Variants in TDRD3 observed in about 807,000 individuals in gnomAD.
TDRD3 encodes tudor domain-containing protein 3.
A neutral mutation model predicts 86.7 loss-of-function variants in TDRD3; 45 were observed. The observed-to-expected ratio is 0.52, with a 90% CI of 0.41 to 0.67. TDRD3 has a LOEUF of 0.67. Among genes scored for constraint, TDRD3 ranks in the 30% least tolerant of loss-of-function variants. The probability of loss-of-function intolerance (pLI) is 0.00; values close to 1 mark genes in which losing one functional copy is unlikely to be tolerated. For synonymous variants in TDRD3, 298 were observed against 301.7 expected (o/e 0.99, Z 0.13); for missense variants, 814 against 889.0 (o/e 0.92, Z 1.07).
intron 3 of TDRD3, among the ~76,000 whole-genome samples, chr13:60,450,310 G>A (rs1409382987): frequency 6.6e-6 from 1 of 151,970 alleles, no homozygotes; most frequent in African/African-American, 2.4e-5. Flanking sequence ...TTTTAAATAC[G>A]AATATTCTCA....
At chr13:60,561,983 A>T (rs1958345026) in intron 12 of TDRD3, among the ~76,000 whole-genome samples, 1 of 152,046 alleles carries the variant, frequency 6.6e-6, no homozygotes, top group Non-Finnish European at 1.5e-5. Context: ...CATGACTCCC[A>T]TGGGCACCAA....
intron 5 of TDRD3, among the ~76,000 whole-genome samples, chr13:60,469,449 C>CAT (rs1211341270): frequency 3.0e-4 from 46 of 151,972 alleles, no homozygotes; most frequent in African/African-American, 1.1e-3. Flanking sequence ...CACACACACA[C>CAT]ACACACGGAG....
intron 10 of TDRD3, among the ~76,000 whole-genome samples, chr13:60,517,763 A>G (rs1391308284): frequency 1.3e-5 from 2 of 152,226 alleles, no homozygotes; most frequent in Admixed American, 6.5e-5. Context: ...TTTGTGGACA[A>G]CTTGTTACCT....
chr13:60,513,214 T>C (rs1018339063), intron 10 of TDRD3, among the ~76,000 whole-genome samples: 12 of 152,166 alleles, frequency 7.9e-5, no homozygotes, highest in Admixed American at 2.6e-4. Context: ...CTTTCAGCAA[T>C]GGCTAGAGTG....
At chr13:60,509,979 T>G in intron 9 of TDRD3, 60 bp downstream of exon 9, 1 of 1,554,908 alleles carries the variant, frequency 6.4e-7, no homozygotes, top group Non-Finnish European at 8.7e-7. Flanking sequence ...TAATATATGT[T>G]ATTGACAGAG....
Position 60,461,772 on chromosome 13 carries a change from T to G in TDRD3, c.353+1232T>G, listed in dbSNP as rs536553703. Among the ~76,000 whole-genome samples the G allele has an allele frequency of 2.9e-3, 442 of 152,290 alleles. 2 individuals are homozygous for G. Among genetic ancestry groups the G allele is most frequent in the African/African-American group, 0.01 (428 of 41,562 alleles). On this transcript the variant is annotated intron_variant, in intron 4 of 13. Coordinates refer to ENST00000377881, the MANE Select transcript of TDRD3 (RefSeq NM_001146070.2). Reference sequence around the variant, plus strand: ...TAAGACATATATAAACTGAGAGGTCTAAGAGTCTCAAAAATTACTTCTGCC... The same window carrying G: ...TAAGACATATATAAACTGAGAGGTCGAAGAGTCTCAAAAATTACTTCTGCC...
chr13:60,570,872 A>C (rs1468936244), intron 13 of TDRD3, among the ~76,000 whole-genome samples: 1 of 152,218 alleles, frequency 6.6e-6, no homozygotes, highest in Non-Finnish European at 1.5e-5. Context: ...TTGAAAAATA[A>C]TATATTGCTT....
At position 60,452,815 on chromosome 13, in the gene TDRD3, GTTT is replaced by G. The variant is rs34514318; in HGVS notation, c.193-7553_193-7551del. Among the ~76,000 whole-genome samples the G allele has an allele frequency of 6.5e-3, 935 of 144,782 alleles. 15 individuals carry two copies. Among genetic ancestry groups the G allele is most frequent in the African/African-American group, 0.023 (897 of 39,636 alleles). The allele number at this position is 144,782 out of a possible 152,430, so 95.0% of individuals were successfully genotyped here. On this transcript the variant is annotated intron_variant, in intron 3 of 13. Transcript: ENST00000377881. Reference sequence around the variant, plus strand: ...CTGGACATTTTGATCACTGTTCTTAGTTTTTTTTTTTTTTAATTACTAAATGTA... The same window carrying G: ...CTGGACATTTTGATCACTGTTCTTAGTTTTTTTTTTTAATTACTAAATGTA...
intron 5 of TDRD3, among the ~76,000 whole-genome samples, chr13:60,471,402 A>G (rs926379324): frequency 2.0e-5 from 3 of 152,154 alleles, no homozygotes; most frequent in Admixed American, 6.5e-5. Context: ...CTAAATGTCT[A>G]TCTTTATGCC....
chr13:60,467,480 A>G, intron 5 of TDRD3, 101 bp downstream of exon 5: 3 of 1,312,548 alleles, frequency 2.3e-6, no homozygotes, highest in Non-Finnish European at 3.2e-6. Flanking sequence ...TTTGTGTCGG[A>G]GTTGAATAGA....
At chr13:60,566,056 T>C (rs1043742654) in intron 12 of TDRD3, among the ~76,000 whole-genome samples, 1 of 152,208 alleles carries the variant, frequency 6.6e-6, no homozygotes, top group African/African-American at 2.4e-5. Context: ...CTGCATTCTC[T>C]TCTTTCAGTG....
intron 1 of TDRD3, among the ~76,000 whole-genome samples, chr13:60,417,676 A>C (rs542877527): frequency 2.6e-5 from 4 of 152,118 alleles, no homozygotes; most frequent in African/African-American, 9.6e-5. Context: ...ATGATTCCTA[A>C]ATCTTTCTGG....
At chr13:60,466,602 AC>A in intron 4 of TDRD3, among the ~76,000 whole-genome samples, 1 of 152,204 alleles carries the variant, frequency 6.6e-6, no homozygotes, top group Middle Eastern at 3.4e-3. Flanking sequence ...ACCCTGGCCA[AC>A]ATAGTGAAAC....
chr13:60,547,833 C>A (rs1957968892), intron 12 of TDRD3, among the ~76,000 whole-genome samples: 1 of 152,144 alleles, frequency 6.6e-6, no homozygotes, highest in Non-Finnish European at 1.5e-5. Flanking sequence ...ATTATTATGA[C>A]CCCTTCTTAA....
intron 3 of TDRD3, among the ~76,000 whole-genome samples, chr13:60,447,278 C>G (rs936286962): frequency 6.6e-6 from 1 of 152,036 alleles, no homozygotes; most frequent in African/African-American, 2.4e-5. Context: ...TGATACGGAC[C>G]AGGAACAGAT....
intron 12 of TDRD3, among the ~76,000 whole-genome samples, chr13:60,542,984 C>G (rs1251463843): frequency 2.0e-5 from 3 of 152,176 alleles, no homozygotes; most frequent in South Asian, 4.1e-4. Context: ...TGGAGTTGTT[C>G]TGTTTCCCTG....
At chr13:60,424,015 T>G (rs1324341704) in intron 1 of TDRD3, among the ~76,000 whole-genome samples, 1 of 152,012 alleles carries the variant, frequency 6.6e-6, no homozygotes, top group African/African-American at 2.4e-5. Context: ...CAGTGGTTTT[T>G]TTTGTTTGTT....
Position 60,397,285 on chromosome 13 carries a change from T to G in TDRD3, c.-80T>G. ...TTCTTTTCTTTTCTTTTTTTTTTTT[T>G]AAGGGGGGGGGTCTCAAGTAGGAGG... On this transcript the variant is annotated 5_prime_UTR_variant, in exon 1 of 14. An upstream open reading frame in the 5' UTR gains an earlier in-frame stop. Transcript: ENST00000377881. 2 of 623,716 alleles carry G rather than the reference T, an allele frequency of 3.2e-6. No individual in the cohort carries two copies. The highest frequency in any genetic ancestry group is 4.7e-6 in the Non-Finnish European group (2 of 422,154). The allele number at this position is 623,716 out of a possible 1,614,324, so 38.6% of individuals were successfully genotyped here.
intron 1 of TDRD3, among the ~76,000 whole-genome samples, chr13:60,413,256 T>C (rs927018592): frequency 3.9e-5 from 6 of 152,280 alleles, no homozygotes; most frequent in African/African-American, 1.2e-4. Context: ...AACTGAATTA[T>C]TGTGAGAGAT....
Sources: gnomAD v4.1 joint callset for allele counts (sites outside exome capture counted in the v4.1 genomes callset) on GRCh38, gnomAD v4.1.1 for gene constraint, MANE v1.5 for transcripts, NCBI Gene and HGNC (gene_info 2026-07-23, HGNC 2026-07-21) for gene names.